PPP2R5C: variants seen among roughly 807,000 people sequenced by gnomAD.
PPP2R5C encodes protein phosphatase 2 regulatory subunit B'gamma, also known as serine/threonine-protein phosphatase 2A 56 kDa regulatory subunit gamma isoform.
A neutral mutation model predicts 68.9 loss-of-function variants in PPP2R5C; 7 were observed. That is an observed-to-expected ratio of 0.10 (90% CI 0.06 to 0.19). The LOEUF (loss-of-function observed/expected upper bound fraction) is 0.19. Ranked by LOEUF, PPP2R5C falls within the 10% of genes least tolerant of loss-of-function variation. PPP2R5C has a pLI of 1.00. For synonymous variants in PPP2R5C, 210 were observed against 222.2 expected (o/e 0.95, Z 0.49); for missense variants, 348 against 641.3 (o/e 0.54, Z 4.94).
At chr14:101,853,628 C>T (rs2042272698) in intron 1 of PPP2R5C, among the ~76,000 whole-genome samples, 1 of 152,094 alleles carries the variant, frequency 6.6e-6, no homozygotes, top group Admixed American at 6.6e-5. Context: ...CTGAATGATC[C>T]CAACATCCTT....
At chr14:101,800,319 C>T (rs1427688075) in intron 3 of PPP2R5C, among the ~76,000 whole-genome samples, 1 of 151,734 alleles carries the variant, frequency 6.6e-6, no homozygotes, top group Non-Finnish European at 1.5e-5. Flanking sequence ...CCTAGAACTT[C>T]GGGAGGCCGA....
intron 7 of PPP2R5C, among the ~76,000 whole-genome samples, chr14:101,894,175 G>T (rs1030157769): frequency 2.0e-5 from 3 of 152,202 alleles, no homozygotes; most frequent in African/African-American, 7.2e-5. Flanking sequence ...GATGGAACCA[G>T]ATTTTAATTT....
upstream of PPP2R5C, among the ~76,000 whole-genome samples, chr14:101,805,878 T>G (rs1406129236): frequency 6.6e-6 from 1 of 151,824 alleles, no homozygotes. Flanking sequence ...GAAAGTAGAG[T>G]GATGGTTGCC....
At chr14:101,784,514 G>C (rs572579113) in intron 2 of PPP2R5C, among the ~76,000 whole-genome samples, 3 of 150,634 alleles carry the variant, frequency 2.0e-5, no homozygotes, top group South Asian at 2.2e-4. Context: ...AGAAAGTGGG[G>C]GGGGGGAACT....
rs976874033 is a variant in PPP2R5C, at chr14:101,894,426, G to T, written c.799-81G>T. 6 of 1,329,078 alleles carry T rather than the reference G, an allele frequency of 4.5e-6. No individual in the cohort carries two copies. In the African/African-American group the frequency reaches 8.7e-5, roughly 19 times the overall value. 82.3% of individuals were successfully genotyped at this position (1,329,078 alleles called of 1,614,324 possible). A position where few individuals can be genotyped will look rare whatever the true frequency, so the allele number is the denominator to read the frequency against. On this transcript the variant is annotated intron_variant, in intron 7 of 13. Transcript: ENST00000334743. ...TGGGTCCTTGTCTTGCTGTGGGAAG[G>T]TGTTTAACGATGATTCTAGAAGAAG...
intron 5 of PPP2R5C, among the ~76,000 whole-genome samples, chr14:101,887,201 A>T (rs2044581680): frequency 6.6e-6 from 1 of 152,176 alleles, no homozygotes; most frequent in Admixed American, 6.5e-5. Context: ...TCCATAACCC[A>T]TGGTGCCTGC....
chr14:101,775,159 G>C (rs140062624), intron 2 of PPP2R5C, among the ~76,000 whole-genome samples: 1 of 152,176 alleles, frequency 6.6e-6, no homozygotes, highest in East Asian at 1.9e-4. Context: ...TTTTTTGTTT[G>C]ACTCTATTCA....
chr14:101,906,504 C>T lies in PPP2R5C; in HGVS notation c.1126C>T (p.Arg376Cys), dbSNP rs751176700. Residue 376 changes from arginine to cysteine, a missense_variant, in exon 10 of 14, where the codon CGC becomes TGC. Arg to Cys is a radical substitution (Grantham distance 180, BLOSUM62 -3). Around this residue, in one of 4 missense-constraint regions of PPP2R5C, gnomAD observed 101 missense variants for 209.8 expected, o/e 0.48. Transcript: ENST00000334743. The surrounding 1 kb of genome is among the most constrained non-coding windows in gnomAD (Gnocchi z 4.0). ...GCCCATCATGTTTCCTTCCTTGTACCGCAACTCAAAGACCCATTGGAACAA... is the reference window on the plus strand; with the variant it reads ...GCCCATCATGTTTCCTTCCTTGTACTGCAACTCAAAGACCCATTGGAACAA... 21 of 1,612,680 alleles carry T rather than the reference C, an allele frequency of 1.3e-5. No individual in the cohort carries two copies. The highest frequency in any genetic ancestry group is 1.5e-5 in the Non-Finnish European group (18 of 1,179,582).
At chr14:101,769,046 G>A (rs766192760) in intron 2 of PPP2R5C, among the ~76,000 whole-genome samples, 40 of 152,058 alleles carry the variant, frequency 2.6e-4, no homozygotes, top group East Asian at 5.8e-4. Flanking sequence ...GGATGGTCTC[G>A]GTCTCCTGAC....
chr14:101,855,699 C>T (rs999443775), intron 1 of PPP2R5C, among the ~76,000 whole-genome samples: 4 of 152,188 alleles, frequency 2.6e-5, no homozygotes, highest in Admixed American at 2.6e-4. Flanking sequence ...TTATTCGTGT[C>T]ACCACTGATC....
chr14:101,792,632 T>C (rs1456751739), intron 3 of PPP2R5C, among the ~76,000 whole-genome samples: 4 of 152,248 alleles, frequency 2.6e-5, no homozygotes, highest in Non-Finnish European at 5.9e-5. Context: ...TTTAATATCA[T>C]TGTGGACTAA....
At chr14:101,868,677 G>C (rs1273292268) in intron 2 of PPP2R5C, among the ~76,000 whole-genome samples, 1 of 152,090 alleles carries the variant, frequency 6.6e-6, no homozygotes, top group Non-Finnish European at 1.5e-5. Context: ...TATTTCTTTT[G>C]GTCTAGGGGT....
chr14:101,809,870 T>G, upstream of PPP2R5C: 1 of 1,503,216 alleles, frequency 6.7e-7, no homozygotes, highest in Non-Finnish European at 9.0e-7. Flanking sequence ...CAGTTTGTCT[T>G]TTTTTTTTTA....
At chr14:101,791,132 A>G (rs2038346493) in intron 3 of PPP2R5C, among the ~76,000 whole-genome samples, 1 of 152,222 alleles carries the variant, frequency 6.6e-6, no homozygotes, top group East Asian at 1.9e-4. Flanking sequence ...CTGTTTTCCA[A>G]AGTGGTTGTA....
chr14:101,778,913 A>G (rs1256028893), intron 2 of PPP2R5C, among the ~76,000 whole-genome samples: 9 of 152,148 alleles, frequency 5.9e-5, no homozygotes, highest in Non-Finnish European at 7.4e-5. Flanking sequence ...TACAAAAATT[A>G]GCCAGATGTG....
At position 101,918,722 on chromosome 14, in the gene PPP2R5C, G is replaced by A. The variant is rs372907030; in HGVS notation, c.1443+775G>A. On this transcript the variant is annotated intron_variant, in intron 13 of 13. Coordinates refer to ENST00000334743, the Ensembl canonical transcript of PPP2R5C. Reference sequence around the variant, plus strand: ...CAGGCCACCTCCAAAGAGAGCCTCCGACCACTGTTACTCCTCAGCTGGGCC... The same window carrying A: ...CAGGCCACCTCCAAAGAGAGCCTCCAACCACTGTTACTCCTCAGCTGGGCC... Among the ~76,000 whole-genome samples, 73 of 127,090 alleles carry A rather than the reference G, an allele frequency of 5.7e-4. 1 individual carries two copies. In the Middle Eastern group the frequency reaches 0.011, roughly 19 times the overall value. 83.4% of individuals were successfully genotyped at this position (127,090 alleles called of 152,430 possible).
chr14:101,905,878 G>C (rs8021069), intron 9 of PPP2R5C, among the ~76,000 whole-genome samples: 17,918 of 151,968 alleles, frequency 0.12, 1,523 homozygotes, highest in East Asian at 0.3. Flanking sequence ...CCACCCCACC[G>C]CACACGCACC....
At chr14:101,900,928 C>T (rs748484422) in intron 8 of PPP2R5C, among the ~76,000 whole-genome samples, 4 of 152,344 alleles carry the variant, frequency 2.6e-5, no homozygotes, top group South Asian at 2.1e-4. Context: ...TTGTATCTGA[C>T]GCCCACAGGT....
chr14:101,790,880 G>C (rs2038328805), intron 3 of PPP2R5C, among the ~76,000 whole-genome samples: 1 of 152,138 alleles, frequency 6.6e-6, no homozygotes, highest in Admixed American at 6.5e-5. Context: ...GGAGATCAAG[G>C]CCATCCTGGC....
Sources: gnomAD v4.1 joint callset for allele counts (sites outside exome capture counted in the v4.1 genomes callset) on GRCh38, gnomAD v4.1.1 for gene constraint, gnomAD v4.1.1 regional missense constraint, Gnocchi (gnomAD v3.1) non-coding constraint, MANE v1.5 for transcripts, NCBI Gene and HGNC (gene_info 2026-07-23, HGNC 2026-07-21) for gene names.